ASIC2: variants seen among roughly 807,000 people sequenced by gnomAD.
ASIC2 encodes acid sensing ion channel subunit 2, also known as acid-sensing ion channel 2.
In ASIC2, 25 loss-of-function variants were observed where a neutral mutation model predicts 57.3. The observed-to-expected ratio is 0.44, with a 90% CI of 0.32 to 0.61. The LOEUF (loss-of-function observed/expected upper bound fraction) is 0.61, where lower values mean the gene tolerates loss of function less well. Ranked by LOEUF, ASIC2 falls within the 20% of genes least tolerant of loss-of-function variation. The pLI, the probability that ASIC2 is intolerant of heterozygous loss-of-function variation, is 0.06. For synonymous variants in ASIC2, 319 were observed against 307.5 expected, an observed-to-expected ratio of 1.04 and a Z score of -0.39; for missense variants, 641 against 738.1, an observed-to-expected ratio of 0.87 and a Z score of 1.52.
In ASIC2 at chr17:34,119,606, TACACAGACAC is replaced by T. The variant is rs71147418; in HGVS notation, c.555+36362_555+36371del. ...ATTCCTCTATGAGCTTCCCTTTCTC[TACACAGACAC>T]ACACACACACACACACACACACACA... On this transcript the variant is annotated intron_variant, in intron 1 of 9. Transcript: ENST00000359872. 7.6e-3 allele frequency among the ~76,000 whole-genome samples: 971 copies of T among 127,536 alleles called. 15 individuals carry two copies. The highest frequency in any genetic ancestry group is 0.031 in the African/African-American group (929 of 30,162). 83.7% of individuals were successfully genotyped at this position (127,536 alleles called of 152,430 possible).
chr17:33,069,765 T>C (rs556065004), intron 3 of ASIC2, among the ~76,000 whole-genome samples: 2 of 152,358 alleles, frequency 1.3e-5, no homozygotes, highest in South Asian at 2.1e-4. Context: ...AACCAGCATA[T>C]AGTTGAAACT....
chr17:34,102,119 G>T (rs939901966), intron 1 of ASIC2, among the ~76,000 whole-genome samples: 4 of 151,894 alleles, frequency 2.6e-5, no homozygotes, highest in African/African-American at 9.7e-5. Flanking sequence ...GACTAGCCTG[G>T]CCAACTTTGA....
chr17:33,855,994 A>G (rs1457294471), intron 1 of ASIC2, among the ~76,000 whole-genome samples: 1 of 152,202 alleles, frequency 6.6e-6, no homozygotes, highest in Non-Finnish European at 1.5e-5. Flanking sequence ...TAAAAGGAGA[A>G]AAGAAAAGGA....
At chr17:33,542,198 A>G (rs1351039728) in intron 1 of ASIC2, among the ~76,000 whole-genome samples, 1 of 152,126 alleles carries the variant, frequency 6.6e-6, no homozygotes, top group Non-Finnish European at 1.5e-5. Flanking sequence ...TAATGCCGCA[A>G]TAAACATACG....
intron 1 of ASIC2, among the ~76,000 whole-genome samples, chr17:33,814,035 T>C (rs1483884489): frequency 2.6e-5 from 4 of 152,058 alleles, no homozygotes; most frequent in Non-Finnish European, 1.5e-5. Flanking sequence ...TCACAGAGCA[T>C]ACTGCAGGGG....
At position 33,113,542 on chromosome 17, in the gene ASIC2, GGA is replaced by G. The variant is rs575025900; in HGVS notation, c.709-1477_709-1476del. Among the ~76,000 whole-genome samples the G allele has an allele frequency of 2.2e-3, 340 of 152,334 alleles. 1 individual carries two copies. Among genetic ancestry groups the G allele is most frequent in the Middle Eastern group, 0.01 (3 of 294 alleles). ...ACTGCACTGTCCCATCCTACAGCATGGAGGCCACAGGGAGGCTCTTTGGCTTC... is the reference window on the plus strand; with the variant it reads ...ACTGCACTGTCCCATCCTACAGCATGGGCCACAGGGAGGCTCTTTGGCTTC... On this transcript the variant is annotated intron_variant, in intron 1 of 9. Coordinates refer to ENST00000225823, the MANE Select transcript of ASIC2 (RefSeq NM_183377.2).
intron 1 of ASIC2, among the ~76,000 whole-genome samples, chr17:33,519,011 G>A (rs984442042): frequency 1.0e-4 from 15 of 145,512 alleles, no homozygotes; most frequent in Admixed American, 2.1e-4. Context: ...CAGTAGAGAC[G>A]GGGTTTCACC....
chr17:33,437,027 G>A (rs1431746150), intron 1 of ASIC2, among the ~76,000 whole-genome samples: 3 of 149,868 alleles, frequency 2.0e-5, no homozygotes, highest in Non-Finnish European at 3.0e-5. Flanking sequence ...TACCACGCCC[G>A]GCTAATTTTT....
intron 1 of ASIC2, among the ~76,000 whole-genome samples, chr17:34,047,023 G>A (rs1339519455): frequency 6.6e-6 from 1 of 152,054 alleles, no homozygotes; most frequent in Non-Finnish European, 1.5e-5. Flanking sequence ...AACCTTTGAG[G>A]ACATACTATT....
At chr17:33,659,871 C>CAAATAAATAAAT (rs145561483) in intron 1 of ASIC2, among the ~76,000 whole-genome samples, 7 of 133,294 alleles carry the variant, frequency 5.3e-5, no homozygotes, top group South Asian at 2.6e-4. Flanking sequence ...GACTCTGTCT[C>CAAATAAATAAAT]AAATAAATAA....
intron 1 of ASIC2, chr17:33,955,207 C>T (rs764240401): frequency 2.0e-4 from 31 of 152,228 alleles, no homozygotes; most frequent in Non-Finnish European, 2.6e-4. Flanking sequence ...TAATACCACA[C>T]TCTAGCCATC....
intron 1 of ASIC2, among the ~76,000 whole-genome samples, chr17:33,901,807 T>C (rs992443339): frequency 1.3e-5 from 2 of 152,160 alleles, no homozygotes; most frequent in African/African-American, 4.8e-5. Context: ...TTGGAAGCTT[T>C]GTTCTGATCA....
At chr17:33,699,960 A>G (rs1051000135) in intron 1 of ASIC2, among the ~76,000 whole-genome samples, 6 of 152,116 alleles carry the variant, frequency 3.9e-5, no homozygotes, top group Admixed American at 1.3e-4. Flanking sequence ...TATCGTAAAT[A>G]TATTTTTAAT....
chr17:33,925,524 T>C (rs541984205), intron 1 of ASIC2, among the ~76,000 whole-genome samples: 38 of 152,232 alleles, frequency 2.5e-4, no homozygotes, highest in African/African-American at 1.7e-4. Context: ...CTTCTCCCGA[T>C]AACTGTGGCC....
chr17:33,242,181 G>GT (rs917033511), intron 1 of ASIC2, among the ~76,000 whole-genome samples: 57 of 152,162 alleles, frequency 3.7e-4, no homozygotes, highest in African/African-American at 1.3e-3. Flanking sequence ...GCCAGGCATG[G>GT]TGGTGGGCGC....
intron 1 of ASIC2, among the ~76,000 whole-genome samples, chr17:33,738,906 A>G (rs1159415867): frequency 1.3e-5 from 2 of 152,180 alleles, no homozygotes; most frequent in Admixed American, 6.5e-5. Context: ...CTCCCACCCT[A>G]GGAAGCTTTG....
At chr17:33,658,844 T>A (rs536281821) in intron 1 of ASIC2, among the ~76,000 whole-genome samples, 9 of 152,022 alleles carry the variant, frequency 5.9e-5, no homozygotes, top group African/African-American at 1.2e-4. Flanking sequence ...AAAAATATAT[T>A]TTTTTAAAAT....
chr17:33,868,933 T>C (rs1395817373), intron 1 of ASIC2, among the ~76,000 whole-genome samples: 1 of 151,976 alleles, frequency 6.6e-6, no homozygotes, highest in Non-Finnish European at 1.5e-5. Flanking sequence ...GGCATGATGG[T>C]GCATGCCTGT....
At chr17:33,155,023 TGGC>T (rs898670784) in intron 1 of ASIC2, among the ~76,000 whole-genome samples, 1 of 152,188 alleles carries the variant, frequency 6.6e-6, no homozygotes, top group Admixed American at 6.5e-5. Context: ...GCTGAGTTGT[TGGC>T]GGCGGCGGCA....
Sources: gnomAD v4.1 joint callset for allele counts (sites outside exome capture counted in the v4.1 genomes callset) on GRCh38, gnomAD v4.1.1 for gene constraint, MANE v1.5 for transcripts, NCBI Gene and HGNC (gene_info 2026-07-23, HGNC 2026-07-21) for gene names.